MAML2: variants seen among roughly 807,000 people sequenced by gnomAD.
The protein encoded by MAML2 is mastermind like transcriptional coactivator 2.
MAML2 carries 22 observed loss-of-function variants against 96.1 expected under a neutral mutation model. The observed-to-expected ratio is 0.23, with a 90% CI of 0.16 to 0.33. The LOEUF (loss-of-function observed/expected upper bound fraction) is 0.33. MAML2 is among the 10% of genes least tolerant of loss of function. The pLI is 1.00. For missense variants in MAML2, 1,367 were observed against 1,392.4 expected, an observed-to-expected ratio of 0.98 and a Z score of 0.29; for synonymous variants, 561 against 521.3, an observed-to-expected ratio of 1.08 and a Z score of -1.04.
In MAML2 at chr11:96,077,610, A is replaced by G. The variant is rs891714234; in HGVS notation, c.2139+14282T>C. 2.0e-5 allele frequency among the ~76,000 whole-genome samples: 3 copies of G among 152,170 alleles called. No homozygotes were observed. In the East Asian group the frequency reaches 5.8e-4, roughly 29 times the overall value. On this transcript the variant is annotated intron_variant, in intron 2 of 4. Transcript: ENST00000524717. ...TGTGGGTCGAAACTTTATTTTAGGA[A>G]TAATCTTGGATGTAAGACTACTACT... is the stretch of plus-strand genomic sequence containing the variant.
At chr11:96,123,942 C>T (rs1355160092) in intron 1 of MAML2, among the ~76,000 whole-genome samples, 1 of 151,882 alleles carries the variant, frequency 6.6e-6, no homozygotes, top group Non-Finnish European at 1.5e-5. Context: ...TGGTGGCACG[C>T]ACCTGTAATC....
chr11:95,980,412 C>G (rs983028998), intron 4 of MAML2, among the ~76,000 whole-genome samples: 1 of 152,094 alleles, frequency 6.6e-6, no homozygotes, highest in Non-Finnish European at 1.5e-5. Flanking sequence ...GATTAATATT[C>G]CCAAACTATG....
chr11:96,325,674 C>T (rs572324761), intron 1 of MAML2, among the ~76,000 whole-genome samples: 5 of 152,010 alleles, frequency 3.3e-5, no homozygotes, highest in Non-Finnish European at 5.9e-5. Flanking sequence ...TTCTCCTTCA[C>T]AAACCGTACC....
intron 1 of MAML2, among the ~76,000 whole-genome samples, chr11:96,333,619 T>G (rs969711878): frequency 6.6e-6 from 1 of 152,182 alleles, no homozygotes; most frequent in Non-Finnish European, 1.5e-5. Flanking sequence ...GAGAGCCACA[T>G]CAAGGCATGG....
At chr11:96,099,932 A>G (rs541727847) in intron 1 of MAML2, among the ~76,000 whole-genome samples, 1 of 152,314 alleles carries the variant, frequency 6.6e-6, no homozygotes, top group East Asian at 1.9e-4. Context: ...ATGAGCCACC[A>G]TACTTGCCCA....
At chr11:96,159,789 G>A (rs867275730) in intron 1 of MAML2, among the ~76,000 whole-genome samples, 1 of 152,120 alleles carries the variant, frequency 6.6e-6, no homozygotes, top group South Asian at 2.1e-4. Flanking sequence ...TACAGCTTAC[G>A]CTGCCAGCCC....
rs534763246 is a variant in MAML2 at position 96,219,493 on chromosome 11, A to G, written c.513+121890T>C. ...TCATTTATACATTCTTTTAGGAAAA[A>G]CATAGATAGTAGAAGCCTTGCACCG... On this transcript the variant is annotated intron_variant, in intron 1 of 4. Coordinates refer to ENST00000524717, the MANE Select transcript of MAML2 (RefSeq NM_032427.4). 3.3e-5 allele frequency among the ~76,000 whole-genome samples: 5 copies of G among 152,352 alleles called. No individual in the cohort carries two copies. In the South Asian group the frequency reaches 8.3e-4, roughly 25 times the overall value.
intron 1 of MAML2, among the ~76,000 whole-genome samples, chr11:96,258,462 G>A (rs1862699469): frequency 6.6e-6 from 1 of 152,188 alleles, no homozygotes; most frequent in Non-Finnish European, 1.5e-5. Flanking sequence ...ACATCCTGTT[G>A]TTATCCACTG....
chr11:96,293,567 TA>T (rs1863245846), intron 1 of MAML2, among the ~76,000 whole-genome samples: 1 of 152,034 alleles, frequency 6.6e-6, no homozygotes, highest in African/African-American at 2.4e-5. Context: ...CACAGCAAAC[TA>T]AAAGGAAATA....
At chr11:96,028,255 C>T (rs1240435284) in intron 2 of MAML2, among the ~76,000 whole-genome samples, 1 of 152,186 alleles carries the variant, frequency 6.6e-6, no homozygotes, top group African/African-American at 2.4e-5. Context: ...CTGCCATGTG[C>T]CACAGCACCA....
At chr11:96,178,086 C>CT (rs1312955968) in intron 1 of MAML2, among the ~76,000 whole-genome samples, 6 of 102,754 alleles carry the variant, frequency 5.8e-5, no homozygotes, top group East Asian at 4.6e-4. Context: ...ATTTTTCTTT[C>CT]TTTTTTTTCT....
chr11:96,022,825 T>C (rs1398546152), intron 2 of MAML2, among the ~76,000 whole-genome samples: 1 of 151,460 alleles, frequency 6.6e-6, no homozygotes, highest in Non-Finnish European at 1.5e-5. Flanking sequence ...CATTATAAAG[T>C]GTTTTTTACA....
intron 2 of MAML2, among the ~76,000 whole-genome samples, chr11:96,076,428 TCTCTCACA>T (rs1374035999): frequency 4.5e-5 from 4 of 88,318 alleles, no homozygotes; most frequent in African/African-American, 2.0e-4. Context: ...TCTCTCTCTC[TCTCTCACA>T]CACACACACA....
chr11:96,341,298 C>G (rs1443893624), intron 1 of MAML2, 85 bp downstream of exon 1: 3 of 1,410,640 alleles, frequency 2.1e-6, no homozygotes, highest in Non-Finnish European at 2.8e-6. Context: ...CATTGCCATC[C>G]ACTCTACCTT....
intron 1 of MAML2, among the ~76,000 whole-genome samples, chr11:96,308,405 C>T (rs940746782): frequency 1.2e-4 from 18 of 152,122 alleles, no homozygotes; most frequent in Admixed American, 2.0e-4. Flanking sequence ...AGTACTAACC[C>T]TCAAAATCCA....
intron 1 of MAML2, among the ~76,000 whole-genome samples, chr11:96,319,513 A>C (rs1312146698): frequency 6.6e-6 from 1 of 152,266 alleles, no homozygotes; most frequent in Non-Finnish European, 1.5e-5. Flanking sequence ...TCATGCCATC[A>C]GAGAATTTTA....
chr11:96,134,397 AT>A (rs1323468247), intron 1 of MAML2, among the ~76,000 whole-genome samples: 3 of 152,298 alleles, frequency 2.0e-5, no homozygotes, highest in Admixed American at 6.5e-5. Flanking sequence ...TGCATTTTTA[AT>A]GAATTAAGGC....
intron 1 of MAML2, among the ~76,000 whole-genome samples, chr11:96,176,688 T>C (rs899174634): frequency 2.0e-5 from 3 of 152,096 alleles, no homozygotes; most frequent in Admixed American, 6.5e-5. Flanking sequence ...AGGATAGGTG[T>C]TGGCAGTTAT....
At chr11:96,097,814 G>A (rs952435762) in intron 1 of MAML2, among the ~76,000 whole-genome samples, 6 of 152,116 alleles carry the variant, frequency 3.9e-5, no homozygotes, top group African/African-American at 1.5e-4. Flanking sequence ...CAGGCACTCT[G>A]TGGTGTAAGT....
Sources: allele counts gnomAD v4.1 joint callset (sites outside exome capture counted in the v4.1 genomes callset), GRCh38; gene constraint gnomAD v4.1.1; transcripts MANE v1.5; gene names NCBI Gene and HGNC (gene_info 2026-07-23, HGNC 2026-07-21).